The following DLGAP4 variants were observed in gnomAD, a reference collection of about 807,000 sequenced individuals.
The protein encoded by DLGAP4 is disks large-associated protein 4.
A neutral mutation model predicts 86.9 loss-of-function variants in DLGAP4; 18 were observed. That is an observed-to-expected ratio of 0.21 (90% confidence interval 0.14 to 0.31). DLGAP4 has a LOEUF of 0.31. Ranked by LOEUF, DLGAP4 falls within the 10% of genes least tolerant of loss-of-function variation. The pLI is 1.00. For missense variants in DLGAP4, 1,085 were observed against 1,362.6 expected (o/e 0.80, Z 3.21); for synonymous variants, 548 against 574.3 (o/e 0.95, Z 0.65).
At chr20:36,338,599 ACAGT>A (rs2065345995) in intron 1 of DLGAP4, among the ~76,000 whole-genome samples, 1 of 152,122 alleles carries the variant, frequency 6.6e-6, no homozygotes, top group Non-Finnish European at 1.5e-5. Flanking sequence ...CAAACAAAAA[ACAGT>A]CATTCATTTA....
intron 1 of DLGAP4, among the ~76,000 whole-genome samples, chr20:36,364,114 T>C (rs565349944): frequency 6.6e-6 from 1 of 152,260 alleles, no homozygotes; most frequent in East Asian, 1.9e-4. Context: ...TAAGTGTTAA[T>C]AATTGAGATA....
rs186315700 is a variant in DLGAP4 at position 36,337,375 on chromosome 20, C to T, written c.-303-29670C>T. ...TGGGGGTGGTGGAGGGGGCAAGGCC[C>T]GCTGGGTAGGTGCAGGGAAGGCTTC... On this transcript the variant is annotated intron_variant, in intron 1 of 12. Transcript: ENST00000339266. Among the ~76,000 whole-genome samples, 70 of 152,030 alleles carry T rather than the reference C, an allele frequency of 4.6e-4. No homozygotes were observed. The East Asian group carries it at 0.012, about 27-fold the overall frequency.
intron 2 of DLGAP4, among the ~76,000 whole-genome samples, chr20:36,381,762 G>A (rs1039972883): frequency 2.6e-5 from 4 of 152,096 alleles, no homozygotes; most frequent in African/African-American, 7.2e-5. Context: ...TGGGGCTATC[G>A]CTGATGCTGG....
chr20:36,496,654 G>A (rs571834424), intron 7 of DLGAP4, 51 bp from the exon 8 acceptor site: 1 of 1,557,354 alleles, frequency 6.4e-7, no homozygotes, highest in East Asian at 2.3e-5. Flanking sequence ...TGAGAGGGTT[G>A]GGGGCTTCAC....
At chr20:36,420,928 G>A (rs1044334690) in intron 2 of DLGAP4, among the ~76,000 whole-genome samples, 6 of 151,620 alleles carry the variant, frequency 4.0e-5, no homozygotes, top group African/African-American at 1.2e-4. Context: ...AGCCAAGATT[G>A]TGCCATTGCA....
At chr20:36,513,456 G>A (rs1410522491) in intron 10 of DLGAP4, among the ~76,000 whole-genome samples, 1 of 149,470 alleles carries the variant, frequency 6.7e-6, no homozygotes, top group Non-Finnish European at 1.5e-5. Flanking sequence ...GCTGAGGCAG[G>A]AGAATGGCGT....
At chr20:36,329,521 A>T (rs1569457789) in intron 1 of DLGAP4, among the ~76,000 whole-genome samples, 1 of 152,218 alleles carries the variant, frequency 6.6e-6, no homozygotes, top group East Asian at 1.9e-4. Flanking sequence ...GATGACGTGG[A>T]TGGAAAAAAC....
intron 1 of DLGAP4, among the ~76,000 whole-genome samples, chr20:36,341,650 C>A (rs782706436): frequency 2.7e-4 from 41 of 152,264 alleles, no homozygotes; most frequent in Non-Finnish European, 3.7e-4. Context: ...GGTGTCTGAT[C>A]TCCCAGATCT....
At chr20:36,445,110 T>G (rs527782743) in intron 6 of DLGAP4, among the ~76,000 whole-genome samples, 2 of 152,252 alleles carry the variant, frequency 1.3e-5, no homozygotes, top group African/African-American at 4.8e-5. Context: ...TTTGTATTTT[T>G]AATTTCTTTT....
intron 2 of DLGAP4, among the ~76,000 whole-genome samples, chr20:36,409,829 C>T (rs1340311449): frequency 8.6e-5 from 13 of 151,500 alleles, no homozygotes; most frequent in Admixed American, 5.3e-4. Context: ...GTCAGGAGAT[C>T]GAGACCATCC....
intron 2 of DLGAP4, among the ~76,000 whole-genome samples, chr20:36,379,191 TAA>T (rs1368807543): frequency 6.6e-6 from 1 of 151,598 alleles, no homozygotes; most frequent in Non-Finnish European, 1.5e-5. Context: ...GCTGGATGGG[TAA>T]AGTGGCGGGA....
chr20:36,512,252 G>A (rs931447592), intron 10 of DLGAP4, among the ~76,000 whole-genome samples: 17 of 151,698 alleles, frequency 1.1e-4, no homozygotes, highest in Non-Finnish European at 2.2e-4. Context: ...GAGTTTCACC[G>A]TGTTAGCCAG....
intron 1 of DLGAP4, among the ~76,000 whole-genome samples, chr20:36,343,245 G>A (rs1399839000): frequency 6.6e-6 from 1 of 152,190 alleles, no homozygotes; most frequent in Non-Finnish European, 1.5e-5. Context: ...TGCAGACATC[G>A]TGGCAACGAA....
intron 7 of DLGAP4, among the ~76,000 whole-genome samples, chr20:36,458,771 G>A (rs1246925855): frequency 6.6e-6 from 1 of 152,122 alleles, no homozygotes; most frequent in Non-Finnish European, 1.5e-5. Context: ...TGAGGGGCGA[G>A]AAGTGGGTGA....
chr20:36,433,720 C>T (rs1015141284), intron 3 of DLGAP4, among the ~76,000 whole-genome samples: 13 of 151,786 alleles, frequency 8.6e-5, no homozygotes, highest in African/African-American at 7.3e-5. Flanking sequence ...GGCGCGATCT[C>T]GGCTCACTGC....
rs531918580 is a variant in DLGAP4, at chr20:36,364,009, A to G, written c.-303-3036A>G. ...GGGCTTCCTGGAGGAGGAGAATATGACATACAAGGACCACAAAGGACCACA... is the reference window on the plus strand; with the variant it reads ...GGGCTTCCTGGAGGAGGAGAATATGGCATACAAGGACCACAAAGGACCACA... On this transcript the variant is annotated intron_variant, in intron 1 of 12. Coordinates refer to ENST00000339266, the MANE Select transcript of DLGAP4 (RefSeq NM_001365621.2). Among the ~76,000 whole-genome samples the G allele has an allele frequency of 3.9e-5, 6 of 152,350 alleles. No homozygotes were observed. The South Asian group carries it at 1.2e-3, about 32-fold the overall frequency.
intron 2 of DLGAP4, among the ~76,000 whole-genome samples, chr20:36,412,790 T>C (rs1466254999): frequency 6.6e-6 from 1 of 152,166 alleles, no homozygotes; most frequent in African/African-American, 2.4e-5. Context: ...AGAGACCTTA[T>C]GGGGTGCTCT....
intron 2 of DLGAP4, among the ~76,000 whole-genome samples, chr20:36,384,959 G>A (rs749685831): frequency 1.3e-5 from 2 of 152,192 alleles, no homozygotes; most frequent in South Asian, 4.1e-4. Flanking sequence ...GTGGAAGGGG[G>A]TTACTTAGCT....
At chr20:36,371,710 T>G (rs1056405617) in intron 2 of DLGAP4, among the ~76,000 whole-genome samples, 4 of 152,222 alleles carry the variant, frequency 2.6e-5, no homozygotes, top group African/African-American at 9.6e-5. Context: ...TGGAGCTAAA[T>G]TTATTATTGC....
Sources: allele counts gnomAD v4.1 joint callset (sites outside exome capture counted in the v4.1 genomes callset), GRCh38; gene constraint gnomAD v4.1.1; transcripts MANE v1.5; gene names NCBI Gene and HGNC (gene_info 2026-07-23, HGNC 2026-07-21).